ATP11A: variants seen among roughly 807,000 people sequenced by gnomAD.
ATP11A encodes phospholipid-transporting ATPase IH.
Under a neutral mutation model 154.4 loss-of-function variants are expected in ATP11A, and 81 were observed. That is an observed-to-expected ratio of 0.52 (90% CI 0.44 to 0.63). The LOEUF (loss-of-function observed/expected upper bound fraction) is 0.63, where lower values mean the gene tolerates loss of function less well. Ranked by LOEUF, ATP11A falls within the 30% of genes least tolerant of loss-of-function variation. The probability of loss-of-function intolerance (pLI) is 0.00; values close to 1 mark genes in which losing one functional copy is unlikely to be tolerated. For synonymous variants in ATP11A, 623 were observed against 585.9 expected (o/e 1.06, Z -0.91); for missense variants, 1,316 against 1,474.3 (o/e 0.89, Z 1.76).
chr13:112,814,043 AT>A lies in ATP11A; in HGVS notation c.442-2030del, dbSNP rs111418971. Reference sequence around the variant, plus strand: ...AATTTTGTTCAAGTCCAATTTCTTGATTTTTTTTTTCTTTTTTTTAAAATTA... The same window carrying A: ...AATTTTGTTCAAGTCCAATTTCTTGATTTTTTTTTCTTTTTTTTAAAATTA... On this transcript the variant is annotated intron_variant, in intron 5 of 29. Coordinates refer to ENST00000375645, the MANE Select transcript of ATP11A (RefSeq NM_015205.3). Among the ~76,000 whole-genome samples, 1,467 of 148,930 alleles carry A rather than the reference AT, an allele frequency of 9.9e-3. 20 individuals carry two copies. Among genetic ancestry groups the A allele is most frequent in the African/African-American group, 0.032 (1,278 of 40,556 alleles).
intron 1 of ATP11A, among the ~76,000 whole-genome samples, chr13:112,699,598 A>G (rs1886271887): frequency 6.6e-6 from 1 of 152,248 alleles, no homozygotes; most frequent in African/African-American, 2.4e-5. Flanking sequence ...TAACAAAGAC[A>G]GGTTGCTGCG....
chr13:112,696,283 C>T lies in ATP11A; in HGVS notation c.39+5828C>T. On this transcript the variant is annotated intron_variant, in intron 1 of 29. Transcript: ENST00000375645. The surrounding 1 kb of genome is among the most constrained non-coding windows in gnomAD (Gnocchi z 6.2). ...CTTCTGGGCTTCTTAAGGAGACCGC[C>T]TCTCACCTTGGGCTTTCCGGAACCT... Among the ~76,000 whole-genome samples, 1 of 152,236 alleles carries T rather than the reference C, an allele frequency of 6.6e-6. No homozygotes were observed. Among genetic ancestry groups the T allele is most frequent in the Non-Finnish European group, 1.5e-5 (1 of 68,034 alleles).
intron 19 of ATP11A, 30 bp downstream of exon 19, chr13:112,854,560 A>G: frequency 6.4e-7 from 1 of 1,565,834 alleles, no homozygotes; most frequent in Non-Finnish European, 8.7e-7. Flanking sequence ...CCCCACCCCC[A>G]CACTCCCGCA....
chr13:112,737,061 AAAAT>A (rs1454716983), intron 1 of ATP11A, among the ~76,000 whole-genome samples: 3 of 152,378 alleles, frequency 2.0e-5, no homozygotes, highest in Non-Finnish European at 2.9e-5. Context: ...GAAAAAAACA[AAAAT>A]AAATCGTGAA....
At position 112,860,370 on chromosome 13, in the gene ATP11A, G is replaced by GCAT; in HGVS notation, c.2812_2814dup (p.His938dup). The GCAT allele has an allele frequency of 6.2e-7, 1 of 1,614,148 alleles. No homozygotes were observed. ...TCCTCCTGTACAGCCTCATGGAGCA[G>GCAT]CATGTTGGCATTGACGTGCTCAAGA... On this transcript the variant is annotated inframe_insertion, in exon 24 of 30. Transcript: ENST00000375645.
chr13:112,702,673 C>G (rs558645383), intron 1 of ATP11A, among the ~76,000 whole-genome samples: 4 of 152,368 alleles, frequency 2.6e-5, no homozygotes, highest in African/African-American at 7.2e-5. Context: ...GATATCTATC[C>G]CCTCTCAGGA....
intron 8 of ATP11A, among the ~76,000 whole-genome samples, chr13:112,823,058 G>A (rs1049718076): frequency 3.3e-5 from 5 of 152,222 alleles, no homozygotes; most frequent in Admixed American, 1.3e-4. Flanking sequence ...GCTGCCGGGC[G>A]CAGCTCAGTG....
intron 18 of ATP11A, among the ~76,000 whole-genome samples, chr13:112,853,161 G>A (rs536602007): frequency 1.8e-4 from 27 of 152,082 alleles, no homozygotes; most frequent in African/African-American, 5.5e-4. Flanking sequence ...TGGAGGCTGC[G>A]GTGAGCTGAG....
intron 1 of ATP11A, among the ~76,000 whole-genome samples, chr13:112,710,889 C>A (rs767333269): frequency 5.9e-5 from 9 of 152,230 alleles, no homozygotes; most frequent in African/African-American, 1.7e-4. Context: ...CCCAGCCCCG[C>A]GTCATGTGAG....
chr13:112,876,361 A>C (rs371907043), intron 28 of ATP11A, among the ~76,000 whole-genome samples: 19 of 152,010 alleles, frequency 1.2e-4, no homozygotes, highest in African/African-American at 4.6e-4. Context: ...CACACTCCCA[A>C]GTTTTAGGCA....
intron 1 of ATP11A, among the ~76,000 whole-genome samples, chr13:112,779,869 A>G (rs1594661865): frequency 6.6e-6 from 1 of 151,848 alleles, no homozygotes; most frequent in Non-Finnish European, 1.5e-5. Context: ...TTGCCATTGC[A>G]CTCCAGCCTG....
rs1183871685 is a variant in ATP11A at position 112,885,998 on chromosome 13, C to T, written c.*4132C>T. 1.3e-5 allele frequency: 2 copies of T among 152,368 alleles called. No homozygotes were observed. The highest frequency in any genetic ancestry group is 2.9e-5 in the Non-Finnish European group (2 of 68,122). The allele number at this position is 152,368 out of a possible 1,614,324, so 9.4% of individuals were successfully genotyped here. ...AAGCTGAAACCTCCCCTCGGCTCAG[C>T]CCTATACCAGGCGGCCACAGCAGGA... On this transcript the variant is annotated 3_prime_UTR_variant, in exon 30 of 30. Transcript: ENST00000375645.
chr13:112,721,828 C>T (rs985029728), intron 1 of ATP11A, among the ~76,000 whole-genome samples: 1 of 152,142 alleles, frequency 6.6e-6, no homozygotes, highest in African/African-American at 2.4e-5. Context: ...TTAGTATGAG[C>T]AAAAAGAAGG....
rs1434454359 is a variant in ATP11A, at chr13:112,875,851, C to T, written c.3237C>T (p.Ile1079=). Residue 1079 remains isoleucine, a synonymous_variant, in exon 28 of 30, where the codon ATC becomes ATT. Transcript: ENST00000375645. The surrounding 1 kb of genome is among the most constrained non-coding windows in gnomAD (Gnocchi z 4.1). ...MLSSGPAWLA[I]VLLVTISLLP... The stretch of plus-strand genomic sequence containing the variant: ...CCAGCGGGCCCGCCTGGCTGGCCAT[C>T]GTGCTGCTGGTGACCATCAGCCTCC... 66 of 1,613,986 alleles carry T rather than the reference C, an allele frequency of 4.1e-5. 1 individual carries two copies. The highest frequency in any genetic ancestry group is 5.3e-5 in the African/African-American group (4 of 75,050).
rs1886717623 is a variant in ATP11A, at chr13:112,702,733, AG to A, written c.39+12279del. On this transcript the variant is annotated intron_variant, in intron 1 of 29. Coordinates refer to ENST00000375645, the MANE Select transcript of ATP11A (RefSeq NM_015205.3). Reference sequence around the variant, plus strand: ...TAAACTTGTCTAACACGTGTGCATGAGAGGAAGGCGGCCAGAGGCATGGGTC... The same window carrying A: ...TAAACTTGTCTAACACGTGTGCATGAAGGAAGGCGGCCAGAGGCATGGGTC... Among the ~76,000 whole-genome samples the A allele has an allele frequency of 3.8e-4, 17 of 44,944 alleles. No homozygotes were observed. The Admixed American group carries it at 3.9e-3, about 10-fold the overall frequency. The allele number at this position is 44,944 out of a possible 152,430, so 29.5% of individuals were successfully genotyped here. A position where few individuals can be genotyped will look rare whatever the true frequency, so the allele number is the denominator to read the frequency against.
Position 112,856,048 on chromosome 13 carries a change from T to C in ATP11A, c.2381T>C (p.Val794Ala). 1 of 1,613,892 alleles carries C rather than the reference T, an allele frequency of 6.2e-7. No individual in the cohort carries two copies. The highest frequency in any genetic ancestry group is 8.5e-7 in the Non-Finnish European group (1 of 1,180,002). ...FLEICRSCSA[V>A]LCCRMAPLQK... ...GAAATCTGCCGGAGCTGCAGCGCGG[T>C]GCTCTGCTGCCGCATGGCGCCCTTG... The change falls in exon 20 of 30, where the codon GTG (valine) becomes GCG (alanine). Residue 794 changes from valine to alanine, a missense_variant. Transcript: ENST00000375645.
intron 16 of ATP11A, among the ~76,000 whole-genome samples, chr13:112,840,790 C>T (rs1393810741): frequency 6.6e-6 from 1 of 152,010 alleles, no homozygotes; most frequent in Non-Finnish European, 1.5e-5. Context: ...GACCCCTGTT[C>T]CTACTCCTGA....
At chr13:112,824,263 T>C in intron 9 of ATP11A, 81 bp from the exon 10 acceptor site, 1 of 1,089,778 alleles carries the variant, frequency 9.2e-7, no homozygotes, top group African/African-American at 1.6e-5. Context: ...AGAATTGATT[T>C]TCCCCGCAGC....
At position 112,810,641 on chromosome 13, in the gene ATP11A, A is replaced by G; in HGVS notation, c.356A>G (p.His119Arg). 6.2e-7 allele frequency: 1 copy of G among 1,614,052 alleles called. No individual in the cohort carries two copies. The highest frequency in any genetic ancestry group is 8.5e-7 in the Non-Finnish European group (1 of 1,180,002). The change falls in exon 5 of 30, where the codon CAT becomes CGT. Residue 119 changes from histidine (H) to arginine (R), a missense_variant. By Grantham distance (29) the His-to-Arg change is conservative (BLOSUM62 0). Coordinates refer to ENST00000375645, the MANE Select transcript of ATP11A (RefSeq NM_015205.3). ...IKQGYEDWLR[H>R]KADNAMNQCP... ...TAGGGTTATGAAGACTGGCTTCGAC[A>G]TAAAGCAGACAATGCCATGAACCAG...
Sources: allele counts gnomAD v4.1 joint callset (sites outside exome capture counted in the v4.1 genomes callset), GRCh38; gene constraint gnomAD v4.1.1; non-coding constraint Gnocchi (gnomAD v3.1); transcripts MANE v1.5; gene names NCBI Gene and HGNC (gene_info 2026-07-23, HGNC 2026-07-21).